Variants in DOCK10 observed in about 807,000 individuals in gnomAD.
DOCK10 encodes the protein dedicator of cytokinesis 10, also known as dedicator of cytokinesis protein 10.
Under a neutral mutation model 280.1 loss-of-function variants are expected in DOCK10, and 145 were observed. The observed-to-expected ratio is 0.52, with a 90% confidence interval of 0.45 to 0.59. The LOEUF (loss-of-function observed/expected upper bound fraction) is 0.59, where lower values mean the gene tolerates loss of function less well. DOCK10 is among the 20% of genes least tolerant of loss of function. The pLI is 0.00. For synonymous variants in DOCK10, 915 were observed against 942.2 expected (o/e 0.97, Z 0.53); for missense variants, 2,368 against 2,651.7 (o/e 0.89, Z 2.35).
At chr2:224,895,118 T>C (rs1163325905) in intron 4 of DOCK10, among the ~76,000 whole-genome samples, 1 of 152,232 alleles carries the variant, frequency 6.6e-6, no homozygotes, top group Non-Finnish European at 1.5e-5. Context: ...AAGATGCCTG[T>C]GTTGGCAGCT....
intron 3 of DOCK10, among the ~76,000 whole-genome samples, chr2:224,909,498 G>A (rs1033873904): frequency 2.0e-5 from 3 of 152,150 alleles, no homozygotes; most frequent in Non-Finnish European, 2.9e-5. Context: ...TGAAGGATAC[G>A]TTCCCTTGTG....
At chr2:224,877,788 T>C (rs1698733082) in intron 7 of DOCK10, among the ~76,000 whole-genome samples, 1 of 152,184 alleles carries the variant, frequency 6.6e-6, no homozygotes, top group Non-Finnish European at 1.5e-5. Context: ...TGGTATGAGA[T>C]TGGAACATAC....
chr2:224,952,082 C>T (rs1703772177), intron 1 of DOCK10, among the ~76,000 whole-genome samples: 1 of 152,122 alleles, frequency 6.6e-6, no homozygotes, highest in Admixed American at 6.5e-5. Flanking sequence ...GTGATCAGGC[C>T]AGGACAATCT....
chr2:224,793,440 G>A lies in DOCK10; in HGVS notation c.5172C>T (p.Ile1724=). The A allele has an allele frequency of 6.2e-7, 1 of 1,613,420 alleles. No homozygotes were observed. The highest frequency in any genetic ancestry group is 8.5e-7 in the Non-Finnish European group (1 of 1,179,574). The change falls in exon 46 of 56, where the codon ATC becomes ATT. Residue 1724 remains isoleucine (I), a synonymous_variant. Transcript: ENST00000258390. ...GDLSEAAMCY[I]HIAALIAEYL... ...ACTCTGCAATGAGAGCAGCAATATGGATGTAACACATGGCAGCCTGTAATG... is the reference window on the plus strand; with the variant it reads ...ACTCTGCAATGAGAGCAGCAATATGAATGTAACACATGGCAGCCTGTAATG...
At position 224,778,166 on chromosome 2, in the gene DOCK10, T is replaced by TTGTC; in HGVS notation, c.5770_5773dup (p.Asn1925ArgfsTer34). On this transcript the variant is annotated frameshift_variant, in exon 51 of 56. Transcript: ENST00000258390. LOFTEE classifies it high-confidence loss of function. ...GTTGGAATCCTGGATTATCTTCACA[T>TTGTC]TGTCTGCTCCAAATTTATCTGCATA... is the stretch of plus-strand genomic sequence containing the variant. 1 of 1,613,582 alleles carries TTGTC rather than the reference T, an allele frequency of 6.2e-7. No individual in the cohort carries two copies. The highest frequency in any genetic ancestry group is 1.1e-5 in the South Asian group (1 of 90,996).
At position 224,806,177 on chromosome 2, in the gene DOCK10, C is replaced by A. The variant is rs1325414274; in HGVS notation, c.3763G>T (p.Ala1255Ser). 4 of 1,611,142 alleles carry A rather than the reference C, an allele frequency of 2.5e-6. No homozygotes were observed. Among genetic ancestry groups the A allele is most frequent in the African/African-American group, 2.7e-5 (2 of 74,576 alleles). ...GFQSQTAIKH[A>S]NSVDTSFSKD... ...GAAAATGATGTATCCACAGAGTTTG[C>A]ATGTTTGATAGCTGTCTGGCTTTGA... The change falls in exon 34 of 56, where the codon GCA (alanine) becomes TCA (serine). Residue 1255 changes from alanine to serine, a missense_variant. Coordinates refer to ENST00000258390, the MANE Select transcript of DOCK10 (RefSeq NM_014689.3).
chr2:224,919,025 G>GGT (rs1289282873), intron 2 of DOCK10, among the ~76,000 whole-genome samples: 1 of 144,254 alleles, frequency 6.9e-6, no homozygotes, highest in Admixed American at 7.0e-5. Context: ...ATACGCACAG[G>GGT]GTGTGTGTGG....
intron 40 of DOCK10, among the ~76,000 whole-genome samples, 176 bp downstream of exon 40, chr2:224,801,730 CTCCCCTTTCT>C: frequency 6.6e-6 from 1 of 152,218 alleles, no homozygotes; most frequent in Admixed American, 6.5e-5. Context: ...GGTTTTGCCT[CTCCCCTTTCT>C]TCACCATAGG....
At chr2:224,803,655 AC>A (rs1693162879) in intron 39 of DOCK10, among the ~76,000 whole-genome samples, 1 of 152,058 alleles carries the variant, frequency 6.6e-6, no homozygotes. Flanking sequence ...ATTGCCTTTG[AC>A]CCTTTAAAAA....
chr2:224,834,111 C>G (rs1408909232), intron 26 of DOCK10, 39 bp downstream of exon 26: 6 of 1,209,034 alleles, frequency 5.0e-6, no homozygotes, highest in Non-Finnish European at 7.4e-6. Context: ...TGACCCATGC[C>G]TAGTACTCAC....
At chr2:225,041,037 A>G (rs940410467) in intron 1 of DOCK10, among the ~76,000 whole-genome samples, 14 of 151,544 alleles carry the variant, frequency 9.2e-5, no homozygotes, top group African/African-American at 2.7e-4. Flanking sequence ...TTCACACTCC[A>G]ATCACCCCCG....
intron 23 of DOCK10, among the ~76,000 whole-genome samples, chr2:224,841,591 TG>T (rs1442028915): frequency 1.3e-5 from 2 of 152,216 alleles, no homozygotes; most frequent in African/African-American, 4.8e-5. Context: ...ATTTTTATTT[TG>T]GAAAAAACTG....
At chr2:224,964,698 G>A (rs1704634361) in intron 1 of DOCK10, among the ~76,000 whole-genome samples, 1 of 152,140 alleles carries the variant, frequency 6.6e-6, no homozygotes, top group Non-Finnish European at 1.5e-5. Flanking sequence ...AAGAAAAGGT[G>A]ATGACTGGTG....
At chr2:224,848,769 G>A (rs755302890) in intron 19 of DOCK10, among the ~76,000 whole-genome samples, 2 of 152,068 alleles carry the variant, frequency 1.3e-5, no homozygotes, top group East Asian at 1.9e-4. Context: ...CTTAAGTTCA[G>A]GCATGTTATA....
chr2:224,790,176 C>A (rs1479634931), intron 47 of DOCK10, among the ~76,000 whole-genome samples: 1 of 152,234 alleles, frequency 6.6e-6, no homozygotes, highest in Admixed American at 6.5e-5. Context: ...TCTGTCTCTA[C>A]AGATACATGT....
At chr2:225,022,358 G>C (rs1284947075) in intron 1 of DOCK10, among the ~76,000 whole-genome samples, 1 of 152,196 alleles carries the variant, frequency 6.6e-6, no homozygotes, top group African/African-American at 2.4e-5. Flanking sequence ...TGAGCTGCCT[G>C]TTCCACTTCC....
At chr2:224,777,180 G>A (rs747162272) in intron 51 of DOCK10, among the ~76,000 whole-genome samples, 3 of 152,224 alleles carry the variant, frequency 2.0e-5, no homozygotes, top group Non-Finnish European at 2.9e-5. Flanking sequence ...GAGCCAAGAG[G>A]AAGGTAACTG....
At chr2:224,991,998 G>C (rs934300985) in intron 1 of DOCK10, among the ~76,000 whole-genome samples, 2 of 152,082 alleles carry the variant, frequency 1.3e-5, no homozygotes, top group Non-Finnish European at 2.9e-5. Context: ...AATGCATCAA[G>C]AAAAACCAAA....
intron 22 of DOCK10, among the ~76,000 whole-genome samples, chr2:224,843,084 GA>G (rs1696080715): frequency 6.6e-6 from 1 of 152,156 alleles, no homozygotes; most frequent in Non-Finnish European, 1.5e-5. Context: ...GGGTGGCGGG[GA>G]AAGGGGAGTG....
Sources: allele counts gnomAD v4.1 joint callset (sites outside exome capture counted in the v4.1 genomes callset), GRCh38; gene constraint gnomAD v4.1.1; transcripts MANE v1.5; gene names NCBI Gene and HGNC (gene_info 2026-07-23, HGNC 2026-07-21).